Variants in INTS1 observed in about 807,000 individuals in gnomAD.
INTS1 encodes the protein integrator complex subunit 1.
Under a neutral mutation model 241.6 loss-of-function variants are expected in INTS1, and 137 were observed. The observed-to-expected ratio is 0.57, with a 90% CI of 0.49 to 0.65. The LOEUF is 0.65. INTS1 is among the 30% of genes least tolerant of loss of function. The pLI is 0.00. For missense variants in INTS1, 3,073 were observed against 3,032.2 expected (o/e 1.01, Z -0.32); for synonymous variants, 1,692 against 1,337.8 (o/e 1.26, Z -5.78).
chr7:1,498,879 G>A, intron 8 of INTS1, 27 bp from the exon 9 acceptor site: 1 of 1,577,652 alleles, frequency 6.3e-7, no homozygotes, highest in Non-Finnish European at 8.6e-7. Flanking sequence ...GGAGCAGTGG[G>A]CTCACGGCCA....
In INTS1 at chr7:1,477,565, G is replaced by A. The variant is rs1246687198; in HGVS notation, c.4923C>T (p.Leu1641=). ...TGCCACCCACCTTCCTCCGGGAGAA[G>A]AGCAGCCTGAGCTGCAGGTCGGGGC... is the stretch of plus-strand genomic sequence containing the variant. ...SSCPDLQLRL[L]FSRRKGKGQA... The change falls in exon 35 of 48, where the codon CTC becomes CTT. Residue 1641 remains leucine (L), a synonymous_variant. Transcript: ENST00000404767. 38 of 1,530,024 alleles carry A rather than the reference G, an allele frequency of 2.5e-5. No homozygotes were observed. Among genetic ancestry groups the A allele is most frequent in the Non-Finnish European group, 2.7e-5 (31 of 1,140,440 alleles). The allele number at this position is 1,530,024 out of a possible 1,614,324, so 94.8% of individuals were successfully genotyped here.
In INTS1 at chr7:1,475,288, G is replaced by C. The variant is rs1006689797; in HGVS notation, c.5503-450C>G. The stretch of plus-strand genomic sequence containing the variant: ...TGATCCCAGCTACTCGGGAGGCTGA[G>C]GTGGGAGGCTCACTTGAGCACAGGG... On this transcript the variant is annotated intron_variant, in intron 39 of 47. Coordinates refer to ENST00000404767, the MANE Select transcript of INTS1 (RefSeq NM_001080453.3). Among the ~76,000 whole-genome samples, 4 of 152,066 alleles carry C rather than the reference G, an allele frequency of 2.6e-5. No homozygotes were observed. In the South Asian group the frequency reaches 8.3e-4, roughly 31 times the overall value.
chr7:1,485,547 A>G (rs747176381), intron 22 of INTS1, 78 bp from the exon 23 acceptor site: 5 of 1,454,174 alleles, frequency 3.4e-6, no homozygotes, highest in South Asian at 2.5e-5. Context: ...GAGCACACGC[A>G]TGGTGCCCTC....
chr7:1,492,039 G>A (rs909975891), intron 16 of INTS1, among the ~76,000 whole-genome samples: 1 of 152,220 alleles, frequency 6.6e-6, no homozygotes, highest in Non-Finnish European at 1.5e-5. Flanking sequence ...CGCTGGCGGG[G>A]ACGCAAGCGG....
chr7:1,479,023 C>T (rs1366769829), intron 31 of INTS1, 138 bp from the exon 32 acceptor site: 2 of 985,988 alleles, frequency 2.0e-6, no homozygotes, highest in Non-Finnish European at 2.9e-6. Context: ...CCTCATCCCG[C>T]CTCCTGTCTG....
chr7:1,480,975 C>T (rs1254277903), intron 28 of INTS1, 42 bp from the exon 29 acceptor site: 1 of 1,449,752 alleles, frequency 6.9e-7, no homozygotes, highest in Admixed American at 1.8e-5. Flanking sequence ...CGGCCAGGGG[C>T]CAGGGAGCAG....
At chr7:1,486,494 A>C in intron 22 of INTS1, 131 bp downstream of exon 22, 1 of 998,182 alleles carries the variant, frequency 1.0e-6, no homozygotes, top group Non-Finnish European at 1.4e-6. Flanking sequence ...CCAACTCCTG[A>C]CCTCAGGTAA....
rs1239374314 is a variant in INTS1, at chr7:1,473,657, T to C, written c.5866A>G (p.Ile1956Val). ...TGGATGAACTGCACAAACTTGTTGATGAAGGCAGCCAGATGGCGGGAGGAC... is the reference window on the plus strand; with the variant it reads ...TGGATGAACTGCACAAACTTGTTGACGAAGGCAGCCAGATGGCGGGAGGAC... ...RKSSRHLAAF[I>V]NKFVQFIHKY... The change falls in exon 42 of 48, where the codon ATC (isoleucine) becomes GTC (valine). Residue 1956 changes from isoleucine (I) to valine (V), a missense_variant. Coordinates refer to ENST00000404767, the MANE Select transcript of INTS1 (RefSeq NM_001080453.3). The C allele has an allele frequency of 4.3e-6, 7 of 1,613,344 alleles. No individual in the cohort carries two copies. The East Asian group carries it at 6.7e-5, about 15-fold the overall frequency.
chr7:1,485,295 G>A lies in INTS1; in HGVS notation c.3151C>T (p.Gln1051Ter). The A allele has an allele frequency of 1.2e-6, 2 of 1,606,668 alleles. No individual in the cohort carries two copies. Among genetic ancestry groups the A allele is most frequent in the Middle Eastern group, 1.7e-4 (1 of 6,054 alleles). Residue 1051 changes from glutamine to a stop codon, truncating the protein, a stop_gained, in exon 23 of 48, where the codon CAG becomes TAG. Coordinates refer to ENST00000404767, the MANE Select transcript of INTS1 (RefSeq NM_001080453.3). LOFTEE classifies it high-confidence loss of function. Reference sequence around the variant, plus strand: ...GCCCCGGTCAGCGCCCTCACCTGCTGCAGGGCCAGGGCTGTGGTGCTCCTG... The same window carrying A: ...GCCCCGGTCAGCGCCCTCACCTGCTACAGGGCCAGGGCTGTGGTGCTCCTG... ...SVRSTTALAL[Q>*]QAIHMETDPQ...
intron 25 of INTS1, 54 bp from the exon 26 acceptor site, chr7:1,483,907 G>A (rs1203523363): frequency 6.3e-6 from 10 of 1,587,296 alleles, no homozygotes; most frequent in African/African-American, 1.3e-5. Flanking sequence ...CTGAGCCAGC[G>A]CCGAGGGTAC....
rs760512283 is a variant in INTS1, at chr7:1,476,502, G to GGATGGGCCACCCCCTCTCCCA, written c.5152-48_5152-47insTGGGAGAGGGGGTGGCCCATC. 33 of 1,599,410 alleles carry GGATGGGCCACCCCCTCTCCCA rather than the reference G, an allele frequency of 2.1e-5. No individual in the cohort carries two copies. In the Middle Eastern group the frequency reaches 1.2e-3, roughly 56 times the overall value. On this transcript the variant is annotated intron_variant, in intron 37 of 47. Coordinates refer to ENST00000404767, the MANE Select transcript of INTS1 (RefSeq NM_001080453.3). ...GCCCCGGAGCACCACCGCCTCTCCC[G>GGATGGGCCACCCCCTCTCCCA]GATGGGCCACCCCCTCTCCCGGATG...
At chr7:1,500,116 G>A in intron 4 of INTS1, 54 bp downstream of exon 4, 1 of 1,582,416 alleles carries the variant, frequency 6.3e-7, no homozygotes, top group Non-Finnish European at 8.6e-7. Context: ...GAGGTGAGGA[G>A]GGGAGCCAAG....
At chr7:1,499,689 G>A (rs1783060630) in intron 5 of INTS1, 57 bp from the exon 6 acceptor site, 3 of 1,543,230 alleles carry the variant, frequency 1.9e-6, no homozygotes, top group Admixed American at 3.8e-5. Flanking sequence ...CCAGGTTGGG[G>A]AACACCCGCC....
Position 1,499,374 on chromosome 7 carries a change from A to G in INTS1, c.845-14T>C. The G allele has an allele frequency of 6.4e-7, 1 of 1,567,568 alleles. No homozygotes were observed. ...GTGGGCTGCTCCCTGCAAACCAAGG[A>G]GAGGGCTCCATGCAGCGCCTCCCAC... On this transcript the variant is annotated splice_polypyrimidine_tract_variant and intron_variant, in intron 6 of 47. Transcript: ENST00000404767.
intron 41 of INTS1, among the ~76,000 whole-genome samples, 172 bp downstream of exon 41, chr7:1,473,996 G>A (rs984996627): frequency 6.6e-6 from 1 of 152,240 alleles, no homozygotes; most frequent in Non-Finnish European, 1.5e-5. Context: ...AGGCACGTGA[G>A]GGGCAGCAGG....
At chr7:1,476,537 C>CTCTCCCGGATGGGCCACCCCG (rs1781731174) in intron 37 of INTS1, 33 bp downstream of exon 37, 2 of 1,611,664 alleles carry the variant, frequency 1.2e-6, no homozygotes, top group East Asian at 4.5e-5. Flanking sequence ...GGGCCACCCC[C>CTCTCCCGGATGGGCCACCCCG]TCTCCCGGAT....
At chr7:1,492,592 C>T (rs1223849570) in intron 16 of INTS1, among the ~76,000 whole-genome samples, 1 of 150,908 alleles carries the variant, frequency 6.6e-6, no homozygotes, top group Non-Finnish European at 1.5e-5. Context: ...AATTCTCTCT[C>T]GATAAAGCCG....
At chr7:1,476,124 G>T in intron 38 of INTS1, 53 bp from the exon 39 acceptor site, 1 of 1,527,478 alleles carries the variant, frequency 6.5e-7, no homozygotes, top group Non-Finnish European at 8.8e-7. Context: ...AGTGACAGGG[G>T]TGGGTGGACG....
In INTS1 at chr7:1,472,211, G is replaced by T. The variant is rs570521549; in HGVS notation, c.6184+62C>A. 6 of 1,271,666 alleles carry T rather than the reference G, an allele frequency of 4.7e-6. No homozygotes were observed. The South Asian group carries it at 7.6e-5, about 16-fold the overall frequency. The allele number at this position is 1,271,666 out of a possible 1,614,324, so 78.8% of individuals were successfully genotyped here. The stretch of plus-strand genomic sequence containing the variant: ...AGTGCCCAAATGGCTACTGGCTGCT[G>T]CCCGCAGCCCCATGGGACCCAGGGC... On this transcript the variant is annotated intron_variant, in intron 44 of 47. Coordinates refer to ENST00000404767, the MANE Select transcript of INTS1 (RefSeq NM_001080453.3).
Sources: allele counts gnomAD v4.1 joint callset (sites outside exome capture counted in the v4.1 genomes callset), GRCh38; gene constraint gnomAD v4.1.1; transcripts MANE v1.5; gene names NCBI Gene and HGNC (gene_info 2026-07-23, HGNC 2026-07-21).